Variants in KLRG1 observed in about 807,000 individuals in gnomAD.
KLRG1 encodes killer cell lectin-like receptor subfamily G member 1.
In KLRG1, 16 loss-of-function variants were observed where a neutral mutation model predicts 21.8. The ratio of observed to expected loss-of-function variants is 0.73; its 90% CI spans 0.50 to 1.11. KLRG1 has a LOEUF of 1.11. KLRG1 is among the 50% of genes most tolerant of loss of function. The probability of loss-of-function intolerance (pLI) is 0.00; values close to 1 mark genes in which losing one functional copy is unlikely to be tolerated. For synonymous variants in KLRG1, 69 were observed against 75.9 expected (o/e 0.91, Z 0.47); for missense variants, 173 against 218.3 (o/e 0.79, Z 1.31).
At chr12:9,164,260 C>A in the KLRG1 span, 1 of 1,612,406 alleles carries the variant, frequency 6.2e-7, no homozygotes, top group Non-Finnish European at 8.5e-7. Flanking sequence ...GCACACTGAC[C>A]TATCACCCCA....
intron 1 of KLRG1, among the ~76,000 whole-genome samples, chr12:8,968,191 G>A (rs1946510025): frequency 6.6e-6 from 1 of 151,780 alleles, no homozygotes; most frequent in African/African-American, 2.4e-5. Flanking sequence ...AATTAAAACG[G>A]GTCGTCAGAT....
chr12:8,960,473 A>C (rs1946364645), intron 1 of KLRG1, among the ~76,000 whole-genome samples: 1 of 152,202 alleles, frequency 6.6e-6, no homozygotes, highest in South Asian at 2.1e-4. Context: ...CCAGAGTGGA[A>C]AGATGTTCTT....
chr12:9,116,673 C>T, the KLRG1 span, among the ~76,000 whole-genome samples: 1 of 152,144 alleles, frequency 6.6e-6, no homozygotes, highest in Non-Finnish European at 1.5e-5. Context: ...CATCCATCCA[C>T]CCATGCATTT....
the KLRG1 span, chr12:9,157,371 G>A: frequency 1.9e-6 from 3 of 1,604,052 alleles, no homozygotes; most frequent in Non-Finnish European, 2.6e-6. Context: ...AAGGCAAAAT[G>A]TGGTTGTGTC....
the KLRG1 span, chr12:9,079,665 G>C: frequency 1.9e-6 from 3 of 1,613,494 alleles, no homozygotes; most frequent in Admixed American, 5.0e-5. Context: ...AATGGCCTTG[G>C]ACTTGATCTC....
the KLRG1 span, chr12:9,202,675 TC>T: frequency 4.3e-6 from 7 of 1,613,260 alleles, no homozygotes; most frequent in Non-Finnish European, 5.9e-6. Flanking sequence ...GAGGCTGAGA[TC>T]CTTGGGAGCT....
the KLRG1 span, among the ~76,000 whole-genome samples, chr12:9,199,006 CT>C: frequency 6.6e-6 from 1 of 152,118 alleles, no homozygotes; most frequent in Non-Finnish European, 1.5e-5. Context: ...TTAAAAGGAA[CT>C]GTAAGAGGTA....
At chr12:9,122,278 C>T in the KLRG1 span, among the ~76,000 whole-genome samples, 2 of 152,060 alleles carry the variant, frequency 1.3e-5, no homozygotes, top group Non-Finnish European at 2.9e-5. Flanking sequence ...TAAGTGTATG[C>T]GTGTTTGTGT....
At chr12:8,956,595 G>T (rs1436543079) in intron 1 of KLRG1, among the ~76,000 whole-genome samples, 1 of 152,102 alleles carries the variant, frequency 6.6e-6, no homozygotes, top group East Asian at 1.9e-4. Flanking sequence ...ACAGGTGCCT[G>T]CCACGACTTC....
At chr12:9,164,374 G>A in the KLRG1 span, 4 of 1,122,422 alleles carry the variant, frequency 3.6e-6, no homozygotes, top group Admixed American at 2.2e-5. Context: ...TAAGAAAAAT[G>A]TATGTCACAT....
At chr12:9,070,541 C>T in the KLRG1 span, 70 of 1,613,840 alleles carry the variant, frequency 4.3e-5, no homozygotes, top group South Asian at 7.7e-5. Flanking sequence ...TTCACATCAA[C>T]GATCGCCATG....
the KLRG1 span, among the ~76,000 whole-genome samples, chr12:9,207,120 G>A: frequency 6.6e-6 from 1 of 152,284 alleles, no homozygotes; most frequent in East Asian, 1.9e-4. Flanking sequence ...TCTGCTTTCT[G>A]CGCTTTGGCC....
At chr12:9,144,343 C>G in the KLRG1 span, among the ~76,000 whole-genome samples, 1 of 152,152 alleles carries the variant, frequency 6.6e-6, no homozygotes, top group Non-Finnish European at 1.5e-5. Context: ...TCACAGTTCC[C>G]TTCAGGTTAG....
the KLRG1 span, among the ~76,000 whole-genome samples, chr12:9,191,127 C>T: frequency 6.6e-6 from 1 of 151,904 alleles, no homozygotes; most frequent in Non-Finnish European, 1.5e-5. Context: ...ATAACTAGTC[C>T]TCATTTTACT....
chr12:9,079,620 T>G, the KLRG1 span: 3 of 1,604,902 alleles, frequency 1.9e-6, no homozygotes, highest in Non-Finnish European at 2.6e-6. Context: ...AGTTTTCCCT[T>G]ACTCAAGTAA....
chr12:9,123,459 TG>T, the KLRG1 span, among the ~76,000 whole-genome samples: 3 of 151,252 alleles, frequency 2.0e-5, no homozygotes, highest in African/African-American at 7.3e-5. Context: ...GTGACTGGGG[TG>T]GGGGTTAGGG....
the KLRG1 span, chr12:9,165,408 A>C: frequency 6.2e-7 from 1 of 1,606,024 alleles, no homozygotes; most frequent in African/African-American, 1.3e-5. Context: ...TAATGAATGT[A>C]AGCCACCTTT....
chr12:9,100,885 C>T, the KLRG1 span, among the ~76,000 whole-genome samples: 1 of 151,832 alleles, frequency 6.6e-6, no homozygotes, highest in African/African-American at 2.4e-5. Flanking sequence ...ATACAATGGA[C>T]TTTGTGGATT....
Position 9,009,962 on chromosome 12 carries a change from A to T in KLRG1, c.*425A>T. On this transcript the variant is annotated 3_prime_UTR_variant, in exon 5 of 5. Coordinates refer to ENST00000356986, the MANE Select transcript of KLRG1 (RefSeq NM_005810.4). ...ACATTATTGCTGTACTCCTCTGTAC[A>T]TTACTGATCCCTGATGGTATATTTC... 6.5e-7 allele frequency: 1 copy of T among 1,531,038 alleles called. No individual in the cohort carries two copies. Among genetic ancestry groups the T allele is most frequent in the Non-Finnish European group, 8.7e-7 (1 of 1,142,954 alleles). 94.8% of individuals were successfully genotyped at this position (1,531,038 alleles called of 1,614,324 possible).
Sources: allele counts gnomAD v4.1 joint callset (sites outside exome capture counted in the v4.1 genomes callset), GRCh38; gene constraint gnomAD v4.1.1; transcripts MANE v1.5; gene names NCBI Gene and HGNC (gene_info 2026-07-23, HGNC 2026-07-21).